CNOT6L: variants seen among roughly 807,000 people sequenced by gnomAD.
The protein encoded by CNOT6L is CCR4-NOT transcription complex subunit 6-like.
In CNOT6L, 7 loss-of-function variants were observed where a neutral mutation model predicts 64.0. That is an observed-to-expected ratio of 0.11 (90% CI 0.06 to 0.21). The LOEUF is 0.21. Ranked by LOEUF, CNOT6L falls within the 10% of genes least tolerant of loss-of-function variation. The probability of loss-of-function intolerance (pLI) is 1.00; values close to 1 mark genes in which losing one functional copy is unlikely to be tolerated. For synonymous variants in CNOT6L, 193 were observed against 243.4 expected (o/e 0.79, Z 1.93); for missense variants, 245 against 669.0 (o/e 0.37, Z 6.99).
In CNOT6L at chr4:77,789,965, A is replaced by G. The variant is rs944202458; in HGVS notation, c.6-13573T>C. Among the ~76,000 whole-genome samples the G allele has an allele frequency of 3.4e-4, 51 of 149,358 alleles. 2 individuals are homozygous for G. Among genetic ancestry groups the G allele is most frequent in the Non-Finnish European group, 3.6e-4 (24 of 66,990 alleles). On this transcript the variant is annotated intron_variant, in intron 1 of 11. Coordinates refer to ENST00000504123, the MANE Select transcript of CNOT6L (RefSeq NM_144571.3). ...TGTCTCAAAAAAAAAAAAAAAAAAA[A>G]AAAAAAAAAAAAAAATTCATTCCCA...
At chr4:77,815,464 C>T (rs1733462121) in intron 1 of CNOT6L, among the ~76,000 whole-genome samples, 1 of 152,176 alleles carries the variant, frequency 6.6e-6, no homozygotes, top group Non-Finnish European at 1.5e-5. Flanking sequence ...CTCCTCTCCC[C>T]ACCACTCTCC....
chr4:77,726,417 A>C, intron 10 of CNOT6L, 48 bp from the exon 11 acceptor site: 1 of 1,414,832 alleles, frequency 7.1e-7, no homozygotes. Context: ...TAGACCTTAC[A>C]CAAGGCTTCA....
chr4:77,786,678 C>T (rs559483465), intron 1 of CNOT6L, among the ~76,000 whole-genome samples: 2 of 151,780 alleles, frequency 1.3e-5, no homozygotes, highest in Non-Finnish European at 1.5e-5. Context: ...GATTTCACCA[C>T]ATTCCCCAGG....
chr4:77,753,054 T>C (rs560916199), intron 5 of CNOT6L, among the ~76,000 whole-genome samples: 1 of 151,840 alleles, frequency 6.6e-6, no homozygotes, highest in African/African-American at 2.4e-5. Flanking sequence ...TTTCGGCCCG[T>C]AAATTTGAAG....
Position 77,715,456 on chromosome 4 carries a change from C to CA in CNOT6L, c.*4974_*4975insT, listed in dbSNP as rs1720646593. The CA allele has an allele frequency of 6.6e-6, 1 of 152,096 alleles. No individual in the cohort carries two copies. Among genetic ancestry groups the CA allele is most frequent in the Non-Finnish European group, 1.5e-5 (1 of 68,012 alleles). The allele number at this position is 152,096 out of a possible 1,614,324, so 9.4% of individuals were successfully genotyped here. ...ATATTCTATTACTTCAATGTCATGT[C>CA]TGTTGAACGAAGAACTCAACATGCT... On this transcript the variant is annotated 3_prime_UTR_variant, in exon 12 of 12. Transcript: ENST00000504123.
At chr4:77,792,354 C>T (rs938907804) in intron 1 of CNOT6L, among the ~76,000 whole-genome samples, 1 of 152,120 alleles carries the variant, frequency 6.6e-6, no homozygotes, top group African/African-American at 2.4e-5. Context: ...AAAATACAGA[C>T]GCCCTTATTG....
In CNOT6L at chr4:77,717,209, A is replaced by C. The variant is rs1720837222; in HGVS notation, c.*3222T>G. 6.6e-6 allele frequency: 1 copy of C among 152,476 alleles called. No individual in the cohort carries two copies. Among genetic ancestry groups the C allele is most frequent in the Admixed American group, 6.6e-5 (1 of 15,228 alleles). The allele number at this position is 152,476 out of a possible 1,614,324, so 9.4% of individuals were successfully genotyped here. A position where few individuals can be genotyped will look rare whatever the true frequency, so the allele number is the denominator to read the frequency against. On this transcript the variant is annotated 3_prime_UTR_variant, in exon 12 of 12. Transcript: ENST00000504123. ...AAAACAAAATCAACGAGCAAGGAGC[A>C]GTAGGTGGATCTGAGCCTTTCCCAG...
At chr4:77,735,450 G>C (rs568620697) in intron 8 of CNOT6L, among the ~76,000 whole-genome samples, 29 of 152,164 alleles carry the variant, frequency 1.9e-4, no homozygotes, top group Non-Finnish European at 3.2e-4. Context: ...CCAAATCCTA[G>C]AATTTTTTTC....
At chr4:77,736,820 G>GA (rs576201253) in intron 8 of CNOT6L, among the ~76,000 whole-genome samples, 105 of 148,286 alleles carry the variant, frequency 7.1e-4, no homozygotes, top group African/African-American at 2.1e-3. Context: ...TCACATTTTT[G>GA]AAAAAAAAAC....
chr4:77,773,527 G>A (rs1186633882), intron 3 of CNOT6L, among the ~76,000 whole-genome samples: 1 of 152,070 alleles, frequency 6.6e-6, no homozygotes, highest in Non-Finnish European at 1.5e-5. Context: ...AGATATCCTT[G>A]AAACTCGTCT....
intron 5 of CNOT6L, among the ~76,000 whole-genome samples, chr4:77,749,966 C>T (rs1368728105): frequency 6.6e-6 from 1 of 151,734 alleles, no homozygotes; most frequent in Admixed American, 6.6e-5. Flanking sequence ...TTAACGAAAG[C>T]AATAGTAAAT....
intron 4 of CNOT6L, among the ~76,000 whole-genome samples, chr4:77,764,764 C>T (rs2110027681): frequency 6.6e-6 from 1 of 152,336 alleles, no homozygotes; most frequent in East Asian, 1.9e-4. Flanking sequence ...CTGAGCTCCT[C>T]TCTACCCCAA....
chr4:77,807,357 C>A (rs1166786944), intron 1 of CNOT6L, among the ~76,000 whole-genome samples: 1 of 150,218 alleles, frequency 6.7e-6, no homozygotes, highest in African/African-American at 2.5e-5. Flanking sequence ...TCAGCCCGGG[C>A]AACATAGCAA....
intron 4 of CNOT6L, among the ~76,000 whole-genome samples, chr4:77,760,586 A>T (rs1208336510): frequency 2.0e-5 from 3 of 151,838 alleles, no homozygotes; most frequent in Non-Finnish European, 2.9e-5. Flanking sequence ...TAAAAAAAAA[A>T]ATACCGAATT....
chr4:77,816,930 AAATAC>A (rs930260232), intron 1 of CNOT6L, among the ~76,000 whole-genome samples: 2 of 152,192 alleles, frequency 1.3e-5, no homozygotes, highest in African/African-American at 4.8e-5. Flanking sequence ...ACTCCAGAGA[AAATAC>A]TAAAAATGGA....
At chr4:77,786,279 T>TA (rs11438643) in intron 1 of CNOT6L, among the ~76,000 whole-genome samples, 126,793 of 147,474 alleles carry the variant, frequency 0.86, 54,703 homozygotes, top group Non-Finnish European at 0.9. Flanking sequence ...AGACTCCCTC[T>TA]AAAAAAAAAG....
intron 7 of CNOT6L, among the ~76,000 whole-genome samples, chr4:77,743,395 C>T (rs920472321): frequency 3.3e-5 from 5 of 151,738 alleles, no homozygotes; most frequent in African/African-American, 9.7e-5. Context: ...TTTTGTTTGC[C>T]GCCTCCTCTC....
chr4:77,807,337 G>GAATGC (rs1286013562), intron 1 of CNOT6L, among the ~76,000 whole-genome samples: 1 of 150,042 alleles, frequency 6.7e-6, no homozygotes, highest in East Asian at 1.9e-4. Flanking sequence ...TTGAGCTCAG[G>GAATGC]AATGCAAGGT....
chr4:77,774,627 G>A lies in CNOT6L; in HGVS notation c.217C>T (p.Pro73Ser). The change falls in exon 3 of 12, where the codon CCT (proline) becomes TCT (serine). Residue 73 changes from proline (P) to serine (S), a missense_variant. Coordinates refer to ENST00000504123, the MANE Select transcript of CNOT6L (RefSeq NM_144571.3). ...AGATTATGAAGCTTGGCAATATCAG[G>A]TGGAATGCGACTAAGGTAATTGTCA... ...LNDNYLSRIP[P>S]DIAKLHNLVY... 1 of 1,613,614 alleles carries A rather than the reference G, an allele frequency of 6.2e-7. No individual in the cohort carries two copies. Among genetic ancestry groups the A allele is most frequent in the Non-Finnish European group, 8.5e-7 (1 of 1,179,710 alleles).
Sources: allele counts gnomAD v4.1 joint callset (sites outside exome capture counted in the v4.1 genomes callset), GRCh38; gene constraint gnomAD v4.1.1; transcripts MANE v1.5; gene names NCBI Gene and HGNC (gene_info 2026-07-23, HGNC 2026-07-21).